Variants in NT5C3A observed in about 807,000 individuals in gnomAD.
NT5C3A encodes cytosolic 5'-nucleotidase 3A.
A neutral mutation model predicts 40.0 loss-of-function variants in NT5C3A; 23 were observed. That is an observed-to-expected ratio of 0.58 (90% confidence interval 0.41 to 0.81). The LOEUF (loss-of-function observed/expected upper bound fraction) is 0.81, where lower values mean the gene tolerates loss of function less well. Among genes scored for constraint, NT5C3A ranks in the 40% least tolerant of loss-of-function variants. The pLI, the probability that NT5C3A is intolerant of heterozygous loss-of-function variation, is 0.00. For synonymous variants in NT5C3A, 130 were observed against 141.4 expected (o/e 0.92, Z 0.57); for missense variants, 328 against 403.0 (o/e 0.81, Z 1.59).
At position 33,030,044 on chromosome 7, in the gene NT5C3A, TTCTA is replaced by T. The variant is rs376629962; in HGVS notation, c.139-3133_139-3130del. ...GGTATAAGAAATATAAAAATGACCA[TTCTA>T]TCTGTCTTGGGTTATATAGTATACT... On this transcript the variant is annotated intron_variant, in intron 1 of 8. Transcript: ENST00000610140. 7.0e-4 allele frequency among the ~76,000 whole-genome samples: 107 copies of T among 152,322 alleles called. No homozygotes were observed. In the South Asian group the frequency reaches 0.021, roughly 29 times the overall value.
rs1027457382 is a variant in NT5C3A, at chr7:33,044,652, C to T, written c.139-17737G>A. On this transcript the variant is annotated intron_variant, in intron 1 of 8. Transcript: ENST00000610140. Reference sequence around the variant, plus strand: ...AAGATTTTTTTTCCTCCCCTTTTAACGCTGAAACTGGATGTCTTTATCAAT... The same window carrying T: ...AAGATTTTTTTTCCTCCCCTTTTAATGCTGAAACTGGATGTCTTTATCAAT... Among the ~76,000 whole-genome samples, 6 of 152,218 alleles carry T rather than the reference C, an allele frequency of 3.9e-5. No individual in the cohort carries two copies. The South Asian group carries it at 6.2e-4, about 16-fold the overall frequency.
chr7:33,041,878 G>C (rs1786931564), intron 1 of NT5C3A, among the ~76,000 whole-genome samples: 1 of 152,038 alleles, frequency 6.6e-6, no homozygotes. Context: ...TAGGGAACAT[G>C]GCTACACTAC....
chr7:33,033,935 A>G (rs1443250693), intron 1 of NT5C3A, among the ~76,000 whole-genome samples: 2 of 148,634 alleles, frequency 1.3e-5, no homozygotes, highest in African/African-American at 5.0e-5. Context: ...ATTGTCGCCC[A>G]GATTGGAGTG....
chr7:33,028,287 G>A (rs1221734465), intron 1 of NT5C3A, among the ~76,000 whole-genome samples: 1 of 152,160 alleles, frequency 6.6e-6, no homozygotes, highest in Non-Finnish European at 1.5e-5. Context: ...GGTGTAGGCT[G>A]CTACTACAGA....
At chr7:33,036,761 A>AT (rs1410970929) in intron 1 of NT5C3A, among the ~76,000 whole-genome samples, 1 of 151,712 alleles carries the variant, frequency 6.6e-6, no homozygotes, top group Non-Finnish European at 1.5e-5. Context: ...ACAAAAGTCC[A>AT]TTTTTTCCTT....
chr7:33,019,896 A>G (rs1354992213), intron 5 of NT5C3A, among the ~76,000 whole-genome samples, 172 bp from the exon 6 acceptor site: 5 of 152,192 alleles, frequency 3.3e-5, no homozygotes, highest in African/African-American at 1.2e-4. Flanking sequence ...TCAAAATGTG[A>G]TATGCATGTT....
intron 1 of NT5C3A, among the ~76,000 whole-genome samples, chr7:33,051,276 G>A (rs1477843735): frequency 6.6e-6 from 1 of 152,024 alleles, no homozygotes; most frequent in Non-Finnish European, 1.5e-5. Flanking sequence ...TGATTCTCCT[G>A]CCTCAGCCTC....
chr7:33,025,067 A>T (rs558222461), intron 2 of NT5C3A, among the ~76,000 whole-genome samples: 1 of 152,216 alleles, frequency 6.6e-6, no homozygotes, highest in Non-Finnish European at 1.5e-5. Flanking sequence ...TGAACCTGGG[A>T]GGCGCAGGTT....
intron 1 of NT5C3A, among the ~76,000 whole-genome samples, chr7:33,031,016 A>C (rs1197789115): frequency 2.0e-5 from 3 of 151,188 alleles, no homozygotes; most frequent in African/African-American, 7.3e-5. Context: ...GGAGAATGGC[A>C]TGAACCCCGG....
At chr7:33,014,125 T>C (rs1297441012), downstream of NT5C3A, 1 of 427,508 alleles carries the variant, frequency 2.3e-6, no homozygotes, top group East Asian at 7.1e-5. Flanking sequence ...GTTTTGACCA[T>C]AGAATTAAAA....
Position 33,018,438 on chromosome 7 carries a change from C to T in NT5C3A, c.531-837G>A, listed in dbSNP as rs11532669. Among the ~76,000 whole-genome samples, 1,899 of 152,286 alleles carry T rather than the reference C, an allele frequency of 0.012. 62 individuals are homozygous for T. In the East Asian group the frequency reaches 0.14, roughly 11 times the overall value. On this transcript the variant is annotated intron_variant, in intron 6 of 8. Coordinates refer to ENST00000610140, the MANE Select transcript of NT5C3A (RefSeq NM_001002010.5). The stretch of plus-strand genomic sequence containing the variant: ...CTAGCTGTCCTCACACTTTTTCTGA[C>T]AATTTATTGCTTTCCTTTTTAGAAG...
At chr7:33,039,964 C>T (rs970643499) in intron 1 of NT5C3A, among the ~76,000 whole-genome samples, 7 of 152,018 alleles carry the variant, frequency 4.6e-5, no homozygotes, top group African/African-American at 1.7e-4. Context: ...TTCCTCTATC[C>T]TTCCCACATT....
chr7:33,039,461 C>T (rs1370180763), intron 1 of NT5C3A, among the ~76,000 whole-genome samples: 1 of 151,104 alleles, frequency 6.6e-6, no homozygotes, highest in Non-Finnish European at 1.5e-5. Flanking sequence ...GCATATATTA[C>T]CATAATATGG....
intron 1 of NT5C3A, chr7:33,035,843 T>G (rs1786567989): frequency 5.1e-6 from 5 of 978,298 alleles, no homozygotes; most frequent in Non-Finnish European, 6.6e-6. Flanking sequence ...TGTATAAAAT[T>G]TCAGTCCCAT....
chr7:33,021,715 T>C, intron 4 of NT5C3A: 2 of 400,530 alleles, frequency 5.0e-6, no homozygotes, highest in South Asian at 2.9e-5. Context: ...CTGAAGCAAC[T>C]TCCTCATCAA....
At chr7:33,035,106 C>G (rs1041931263) in intron 1 of NT5C3A, among the ~76,000 whole-genome samples, 3 of 151,534 alleles carry the variant, frequency 2.0e-5, no homozygotes, top group Non-Finnish European at 2.9e-5. Flanking sequence ...TGAATAATAA[C>G]ACATAGTTGG....
rs1787840348 is a variant in NT5C3A, at chr7:33,062,774, A to G, written c.-69T>C. ...GCTCGCGTAGACTGCGAGTCTCGGA[A>G]GCGCGGGATCCCAGAGCATCACGGA... is the stretch of plus-strand genomic sequence containing the variant. On this transcript the variant is annotated 5_prime_UTR_variant, in exon 1 of 9. Transcript: ENST00000610140. 1 of 1,546,512 alleles carries G rather than the reference A, an allele frequency of 6.5e-7. No homozygotes were observed. The highest frequency in any genetic ancestry group is 1.4e-5 in the African/African-American group (1 of 72,112).
intron 1 of NT5C3A, among the ~76,000 whole-genome samples, 191 bp downstream of exon 1, chr7:33,062,377 C>T (rs750846961): frequency 2.0e-5 from 3 of 152,226 alleles, no homozygotes; most frequent in Non-Finnish European, 4.4e-5. Flanking sequence ...ACCAAGCCCG[C>T]GGAGTGGCCG....
At chr7:33,046,875 C>T (rs1363391417) in intron 1 of NT5C3A, among the ~76,000 whole-genome samples, 1 of 150,642 alleles carries the variant, frequency 6.6e-6, no homozygotes, top group Non-Finnish European at 1.5e-5. Context: ...GCAATCTTGG[C>T]TCACTGCAGC....
Sources: gnomAD v4.1 joint callset for allele counts (sites outside exome capture counted in the v4.1 genomes callset) on GRCh38, gnomAD v4.1.1 for gene constraint, MANE v1.5 for transcripts, NCBI Gene and HGNC (gene_info 2026-07-23, HGNC 2026-07-21) for gene names.